Variants in FUT8 observed in about 807,000 individuals in gnomAD.
FUT8 encodes the protein alpha-(1,6)-fucosyltransferase.
FUT8 carries 29 observed loss-of-function variants against 71.3 expected under a neutral mutation model. The observed-to-expected ratio is 0.41, with a 90% CI of 0.30 to 0.55. FUT8 has a LOEUF of 0.55. Among genes scored for constraint, FUT8 ranks in the 20% least tolerant of loss-of-function variants. The probability of loss-of-function intolerance (pLI) is 0.34; values close to 1 mark genes in which losing one functional copy is unlikely to be tolerated. For missense variants in FUT8, 544 were observed against 702.1 expected, an observed-to-expected ratio of 0.77 and a Z score of 2.55; for synonymous variants, 254 against 239.3, an observed-to-expected ratio of 1.06 and a Z score of -0.57.
chr14:65,365,589 A>AC, the FUT8 span, among the ~76,000 whole-genome samples: 148,579 of 152,100 alleles, frequency 0.98, 72,684 homozygotes, highest in East Asian at 1. Context: ...GCCAGCTAAA[A>AC]CCACCAAAAC....
chr14:65,659,438 G>A (rs1891853048), intron 6 of FUT8, among the ~76,000 whole-genome samples: 1 of 152,016 alleles, frequency 6.6e-6, no homozygotes, highest in Non-Finnish European at 1.5e-5. Flanking sequence ...TTTGCAGAAT[G>A]GAAAAACCAG....
chr14:65,386,300 T>C, the FUT8 span, among the ~76,000 whole-genome samples: 1 of 151,412 alleles, frequency 6.6e-6, no homozygotes, highest in Non-Finnish European at 1.5e-5. Context: ...GGCTTGAGCA[T>C]AGGCATTTGA....
intron 7 of FUT8, among the ~76,000 whole-genome samples, chr14:65,673,274 A>C (rs1208354672): frequency 6.6e-6 from 1 of 152,238 alleles, no homozygotes; most frequent in African/African-American, 2.4e-5. Flanking sequence ...GACATCCTTA[A>C]GGTTTATGTG....
intron 2 of FUT8, among the ~76,000 whole-genome samples, chr14:65,507,582 C>T: frequency 6.6e-6 from 1 of 152,296 alleles, no homozygotes; most frequent in Admixed American, 6.5e-5. Flanking sequence ...TGGCTTATTT[C>T]ACTTAACGCA....
At chr14:65,632,664 G>A (rs116689406) in intron 6 of FUT8, among the ~76,000 whole-genome samples, 61 of 152,210 alleles carry the variant, frequency 4.0e-4, no homozygotes, top group African/African-American at 1.4e-3. Flanking sequence ...TGCTCTGTGG[G>A]TTGTGTGTTT....
In FUT8 at chr14:65,528,642, A is replaced by G. The variant is rs1883702542; in HGVS notation, c.-227-32695A>G. On this transcript the variant is annotated intron_variant, in intron 2 of 10. Coordinates refer to ENST00000673929, the MANE Select transcript of FUT8 (RefSeq NM_001371533.1). The stretch of plus-strand genomic sequence containing the variant: ...AAATCACCTGTCTTCTGCGTCGCTC[A>G]GGCTGGGAGCTATAGACTGGAGCTG... Among the ~76,000 whole-genome samples the G allele has an allele frequency of 2.0e-5, 3 of 152,164 alleles. No individual in the cohort carries two copies. In the South Asian group the frequency reaches 6.2e-4, roughly 32 times the overall value.
At chr14:65,591,238 T>C (rs1229032242) in intron 3 of FUT8, among the ~76,000 whole-genome samples, 2 of 152,150 alleles carry the variant, frequency 1.3e-5, no homozygotes, top group East Asian at 3.8e-4. Flanking sequence ...CTTTTGGAGT[T>C]GGTATTAATG....
intron 2 of FUT8, among the ~76,000 whole-genome samples, chr14:65,518,274 T>C (rs1350084735): frequency 6.6e-6 from 1 of 152,174 alleles, no homozygotes; most frequent in African/African-American, 2.4e-5. Context: ...CAAGATGAAC[T>C]TTAAAAAACA....
chr14:65,533,094 T>C (rs1343436428), intron 2 of FUT8, among the ~76,000 whole-genome samples: 1 of 152,226 alleles, frequency 6.6e-6, no homozygotes, highest in Non-Finnish European at 1.5e-5. Flanking sequence ...GCATGATGCC[T>C]CCTGCATTGT....
rs2066740283 is a variant in FUT8 at position 65,506,683 on chromosome 14, T to G, written c.-228+50965T>G. Among the ~76,000 whole-genome samples the G allele has an allele frequency of 2.0e-5, 3 of 152,222 alleles. No individual in the cohort carries two copies. The South Asian group carries it at 6.2e-4, about 32-fold the overall frequency. On this transcript the variant is annotated intron_variant, in intron 2 of 10. Transcript: ENST00000673929. ...ATAGTAGGTATATGTATTTATGGGA[T>G]ACATGAGATGTTTTGACACAGGCGT...
intron 2 of FUT8, among the ~76,000 whole-genome samples, chr14:65,526,373 T>G (rs1883470418): frequency 6.6e-6 from 1 of 152,168 alleles, no homozygotes; most frequent in Non-Finnish European, 1.5e-5. Context: ...TATCAGAGAG[T>G]AGGATTGCAA....
chr14:65,690,789 A>G (rs1893539991), intron 7 of FUT8, among the ~76,000 whole-genome samples: 1 of 150,638 alleles, frequency 6.6e-6, no homozygotes, highest in South Asian at 2.1e-4. Flanking sequence ...TAGTGGCGTG[A>G]TCTTGGCTCA....
intron 2 of FUT8, among the ~76,000 whole-genome samples, chr14:65,535,971 G>C (rs563906977): frequency 6.6e-6 from 1 of 152,084 alleles, no homozygotes; most frequent in Admixed American, 6.5e-5. Context: ...TCCTGTGTTG[G>C]GTGCATATAT....
In FUT8 at chr14:65,643,172, A is replaced by AT. The variant is rs979295602; in HGVS notation, c.597+13573dup. On this transcript the variant is annotated intron_variant, in intron 6 of 10. Transcript: ENST00000673929. The surrounding 1 kb of genome is among the most constrained non-coding windows in gnomAD (Gnocchi z 4.5). ...TGAGATTCCTAATGGTAATGAAGGA[A>AT]TTTTTTTAATTCCTGAGAGTACACT... 5.9e-5 allele frequency among the ~76,000 whole-genome samples: 9 copies of AT among 152,138 alleles called. No homozygotes were observed. The highest frequency in any genetic ancestry group is 2.2e-4 in the African/African-American group (9 of 41,438).
intron 2 of FUT8, among the ~76,000 whole-genome samples, chr14:65,501,841 A>T (rs1440761069): frequency 6.6e-6 from 1 of 151,780 alleles, no homozygotes; most frequent in Admixed American, 6.6e-5. Flanking sequence ...ATTATTATTT[A>T]AAAAATTAAT....
chr14:65,460,564 A>G (rs1158495511), intron 2 of FUT8, among the ~76,000 whole-genome samples: 1 of 152,158 alleles, frequency 6.6e-6, no homozygotes, highest in Admixed American at 6.5e-5. Flanking sequence ...TGTGAGTAGT[A>G]AACTGTTCTT....
rs539498185 is a variant in FUT8, at chr14:65,467,189, A to G, written c.-228+11471A>G. Among the ~76,000 whole-genome samples the G allele has an allele frequency of 6.6e-6, 1 of 151,912 alleles. No homozygotes were observed. Among genetic ancestry groups the G allele is most frequent in the East Asian group, 1.9e-4 (1 of 5,184 alleles). On this transcript the variant is annotated intron_variant, in intron 2 of 10. Transcript: ENST00000673929. The surrounding 1 kb of genome is among the most constrained non-coding windows in gnomAD (Gnocchi z 4.1). ...TTGGGTTTCATTTCTCCCAGTTTTT[A>G]TTTCAGAAAGTCTTTATTTCTTCAC...
chr14:65,491,090 A>G (rs1422939818), intron 2 of FUT8, among the ~76,000 whole-genome samples: 1 of 152,114 alleles, frequency 6.6e-6, no homozygotes, highest in African/African-American at 2.4e-5. Context: ...TGGTAAGGGT[A>G]TAAAATTATA....
At position 65,692,518 on chromosome 14, in the gene FUT8, C is replaced by A. The variant is rs1431687845; in HGVS notation, c.835+23038C>A. On this transcript the variant is annotated intron_variant, in intron 7 of 10. Coordinates refer to ENST00000673929, the MANE Select transcript of FUT8 (RefSeq NM_001371533.1). Reference sequence around the variant, plus strand: ...CCGGGCGGGGGGCTGACCCCCCCCCCACCTCCCTCCCGGACGGGGCGGCTG... The same window carrying A: ...CCGGGCGGGGGGCTGACCCCCCCCCAACCTCCCTCCCGGACGGGGCGGCTG... 6.5e-5 allele frequency among the ~76,000 whole-genome samples: 7 copies of A among 108,340 alleles called. 1 individual carries two copies. The highest frequency in any genetic ancestry group is 4.1e-5 in the Non-Finnish European group (2 of 49,370). 71.1% of individuals were successfully genotyped at this position (108,340 alleles called of 152,430 possible). A position where few individuals can be genotyped will look rare whatever the true frequency, so the allele number is the denominator to read the frequency against.
Sources: allele counts gnomAD v4.1 joint callset (sites outside exome capture counted in the v4.1 genomes callset), GRCh38; gene constraint gnomAD v4.1.1; non-coding constraint Gnocchi (gnomAD v3.1); transcripts MANE v1.5; gene names NCBI Gene and HGNC (gene_info 2026-07-23, HGNC 2026-07-21).